The following RGS12 variants were observed in gnomAD, a reference collection of about 807,000 sequenced individuals.
RGS12 encodes the protein regulator of G protein signaling 12, also known as regulator of G-protein signaling 12.
In RGS12, 66 loss-of-function variants were observed where a neutral mutation model predicts 120.1. The ratio of observed to expected loss-of-function variants is 0.55; its 90% CI spans 0.45 to 0.67. The LOEUF is 0.67. Ranked by LOEUF, RGS12 falls within the 30% of genes least tolerant of loss-of-function variation. The pLI is 0.00. For synonymous variants in RGS12, 827 were observed against 804.7 expected (o/e 1.03, Z -0.47); for missense variants, 1,859 against 1,957.7 (o/e 0.95, Z 0.95).
intron 3 of RGS12, chr4:3,378,609 T>C (rs1717934575): frequency 1.3e-5 from 2 of 152,152 alleles, no homozygotes. Context: ...AGAGCCATAG[T>C]AGACATTTTT....
chr4:3,423,659 C>G lies in RGS12; in HGVS notation c.3234+18C>G. ...TGAGGCTGGTGAGTGTTGCACGGGG[C>G]CCGGGCGTCGTCACCGCAGGCACTG... On this transcript the variant is annotated intron_variant, in intron 13 of 17. Coordinates refer to ENST00000336727, the MANE Select transcript of RGS12 (RefSeq NM_001394154.1). The G allele has an allele frequency of 1.3e-6, 2 of 1,596,416 alleles. No individual in the cohort carries two copies. The highest frequency in any genetic ancestry group is 1.7e-6 in the Non-Finnish European group (2 of 1,175,150).
chr4:3,378,383 G>A (rs1717911932), intron 3 of RGS12: 1 of 151,976 alleles, frequency 6.6e-6, no homozygotes, highest in South Asian at 2.1e-4. Flanking sequence ...GACACTAAAA[G>A]AACAAGCAAC....
At chr4:3,311,443 T>A (rs906067837) in intron 1 of RGS12, among the ~76,000 whole-genome samples, 3 of 152,244 alleles carry the variant, frequency 2.0e-5, no homozygotes, top group African/African-American at 7.2e-5. Context: ...CCCTGAGTTT[T>A]TTTTCTTTGT....
At chr4:3,329,520 G>A (rs1310133305) in intron 2 of RGS12, among the ~76,000 whole-genome samples, 1 of 152,148 alleles carries the variant, frequency 6.6e-6, no homozygotes, top group Non-Finnish European at 1.5e-5. Context: ...CACCTGAGAG[G>A]CTGGTGGCCT....
In RGS12 at chr4:3,357,815, A is replaced by G. The variant is rs1715030447; in HGVS notation, c.1998+14762A>G. ...TCCTCTAGCTTTGTTCTTCTTTTTCAAGATTGTTTGGGCTATTTAGGGTCT... is the reference window on the plus strand; with the variant it reads ...TCCTCTAGCTTTGTTCTTCTTTTTCGAGATTGTTTGGGCTATTTAGGGTCT... On this transcript the variant is annotated intron_variant, in intron 3 of 17. Transcript: ENST00000336727. 4.6e-5 allele frequency among the ~76,000 whole-genome samples: 7 copies of G among 152,116 alleles called. No individual in the cohort carries two copies. The South Asian group carries it at 8.3e-4, about 18-fold the overall frequency.
chr4:3,382,231 A>G (rs1446731252), intron 3 of RGS12, among the ~76,000 whole-genome samples: 2 of 152,208 alleles, frequency 1.3e-5, no homozygotes, highest in Admixed American at 6.5e-5. Flanking sequence ...TGATGACATA[A>G]CTTCTAAAAG....
At chr4:3,429,388 C>A (rs1316680388) in intron 16 of RGS12, among the ~76,000 whole-genome samples, 1 of 152,204 alleles carries the variant, frequency 6.6e-6, no homozygotes, top group African/African-American at 2.4e-5. Flanking sequence ...GTCCACCTGG[C>A]GTGTCACGGC....
intron 1 of RGS12, among the ~76,000 whole-genome samples, chr4:3,301,272 G>A (rs9995687): frequency 0.02 from 3,082 of 152,330 alleles, 61 homozygotes; most frequent in Non-Finnish European, 0.032. Flanking sequence ...TCCTTAACAC[G>A]CTTGGTGCTG....
Position 3,341,945 on chromosome 4 carries a change from AG to A in RGS12, c.1882-991del, listed in dbSNP as rs572339506. 9.5e-4 allele frequency among the ~76,000 whole-genome samples: 143 copies of A among 151,182 alleles called. 1 individual carries two copies. The highest frequency in any genetic ancestry group is 3.2e-3 in the African/African-American group (133 of 41,062). ...CTTTTCAGTTGAGGAGGAGCAGCGC[AG>A]TGCAGGGAGACCCAGGCGGGAATGG... On this transcript the variant is annotated intron_variant, in intron 2 of 17. Transcript: ENST00000336727.
chr4:3,414,499 C>T (rs928598802), intron 5 of RGS12: 4 of 597,926 alleles, frequency 6.7e-6, no homozygotes, highest in Non-Finnish European at 1.2e-5. Flanking sequence ...GCCCGCAGCA[C>T]TGGAGCTTCC....
At chr4:3,298,298 A>G (rs1364811401) in intron 1 of RGS12, among the ~76,000 whole-genome samples, 2 of 152,130 alleles carry the variant, frequency 1.3e-5, no homozygotes, top group South Asian at 4.1e-4. Context: ...TGGACCTCCT[A>G]GGTTGATCCT....
At chr4:3,352,245 T>C (rs1272905393) in intron 3 of RGS12, among the ~76,000 whole-genome samples, 4 of 152,154 alleles carry the variant, frequency 2.6e-5, no homozygotes, top group Non-Finnish European at 4.4e-5. Context: ...TAAGGTCCTT[T>C]ATTAACTCAG....
At chr4:3,299,537 G>A (rs1241505973) in intron 1 of RGS12, among the ~76,000 whole-genome samples, 1 of 152,188 alleles carries the variant, frequency 6.6e-6, no homozygotes, top group Non-Finnish European at 1.5e-5. Flanking sequence ...TGATTTAGCA[G>A]CGTGGGAGGA....
chr4:3,394,404 A>G (rs935003875), intron 4 of RGS12, among the ~76,000 whole-genome samples: 18 of 152,148 alleles, frequency 1.2e-4, no homozygotes, highest in African/African-American at 4.3e-4. Flanking sequence ...CTCAGGTGAT[A>G]GACCCACCTT....
intron 1 of RGS12, among the ~76,000 whole-genome samples, chr4:3,299,740 A>G (rs573746838): frequency 7.9e-5 from 12 of 152,336 alleles, no homozygotes; most frequent in African/African-American, 2.6e-4. Flanking sequence ...GAATAGATGC[A>G]TTTCCTGGAT....
At chr4:3,325,542 A>C (rs1725500562) in intron 2 of RGS12, among the ~76,000 whole-genome samples, 1 of 152,216 alleles carries the variant, frequency 6.6e-6, no homozygotes, top group African/African-American at 2.4e-5. Flanking sequence ...AGATTGAATC[A>C]GTAACAAAAA....
intron 5 of RGS12, 80 bp from the exon 6 acceptor site, chr4:3,414,672 C>T (rs1290600576): frequency 8.8e-6 from 9 of 1,019,056 alleles, no homozygotes; most frequent in Admixed American, 3.5e-5. Context: ...CCAGTGACCC[C>T]GTGGTTTCTG....
chr4:3,368,801 G>A (rs1456044113), intron 3 of RGS12, among the ~76,000 whole-genome samples: 3 of 151,740 alleles, frequency 2.0e-5, no homozygotes, highest in African/African-American at 2.4e-5. Flanking sequence ...GGCAGGGGAC[G>A]AGGATGCTGG....
upstream of RGS12, among the ~76,000 whole-genome samples, chr4:3,292,624 G>C (rs1723089804): frequency 6.6e-6 from 1 of 152,204 alleles, no homozygotes. Context: ...GGCAGGGGCG[G>C]CTCCTCCCGG....
Sources: allele counts gnomAD v4.1 joint callset (sites outside exome capture counted in the v4.1 genomes callset), GRCh38; gene constraint gnomAD v4.1.1; transcripts MANE v1.5; gene names NCBI Gene and HGNC (gene_info 2026-07-23, HGNC 2026-07-21).